The following H2BC5 variants were observed in gnomAD, a reference collection of about 807,000 sequenced individuals.
H2BC5 encodes histone H2B type 1-D.
A neutral mutation model predicts 5.7 loss-of-function variants in H2BC5; 9 were observed. The ratio of observed to expected loss-of-function variants is 1.57; its 90% confidence interval spans 0.95 to 2.74. The LOEUF (loss-of-function observed/expected upper bound fraction) is 2.74, where lower values mean the gene tolerates loss of function less well. H2BC5 is among the 30% of genes most tolerant of loss of function. H2BC5 has a pLI of 0.00. For missense variants in H2BC5, 175 were observed against 168.8 expected (o/e 1.04, Z -0.20); for synonymous variants, 133 against 70.9 (o/e 1.88, Z -4.40).
chr6:26,166,888 A>G (rs563087043), intron 1 of H2BC5, among the ~76,000 whole-genome samples: 2 of 151,388 alleles, frequency 1.3e-5, no homozygotes, highest in South Asian at 4.2e-4. Flanking sequence ...TTTAGTAGAG[A>G]TGGGGTTTCA....
chr6:26,167,746 T>C (rs1003205117), intron 1 of H2BC5, among the ~76,000 whole-genome samples: 2 of 151,992 alleles, frequency 1.3e-5, no homozygotes, highest in African/African-American at 4.8e-5. Context: ...TTCAGGCACG[T>C]TGATAGTAGA....
chr6:26,163,069 A>T, downstream of H2BC5, among the ~76,000 whole-genome samples: 1 of 151,020 alleles, frequency 6.6e-6, no homozygotes, highest in East Asian at 2.0e-4. Context: ...TTTTGTTAAT[A>T]TTTTTCATGA....
rs765931503 is a variant in H2BC5 at position 26,158,169 on chromosome 6, G to A, written c.-1G>A. 3 of 1,612,188 alleles carry A rather than the reference G, an allele frequency of 1.9e-6. No individual in the cohort carries two copies. Among genetic ancestry groups the A allele is most frequent in the Non-Finnish European group, 2.5e-6 (3 of 1,179,412 alleles). On this transcript the variant is annotated 5_prime_UTR_variant, in exon 1 of 1. Transcript: ENST00000377777. ...ACAGTGTTCTAACTATTAACGCTAC[G>A]ATGCCTGAACCTACCAAGTCTGCTC...
intron 1 of H2BC5, among the ~76,000 whole-genome samples, chr6:26,167,897 ATTTT>A (rs1321376795): frequency 6.6e-6 from 1 of 151,286 alleles, no homozygotes. Flanking sequence ...ATTTATTTTT[ATTTT>A]TTTATTATTA....
downstream of H2BC5, chr6:26,158,622 G>C (rs1350994951): frequency 3.8e-6 from 6 of 1,581,220 alleles, no homozygotes; most frequent in Non-Finnish European, 5.2e-6. Flanking sequence ...TTCAATAAAT[G>C]AGTTGTAATC....
At chr6:26,169,065 A>G (rs1764480861) in intron 1 of H2BC5, among the ~76,000 whole-genome samples, 1 of 152,224 alleles carries the variant, frequency 6.6e-6, no homozygotes, top group Non-Finnish European at 1.5e-5. Flanking sequence ...TGAAATTTAA[A>G]TTGGACAAGA....
At chr6:26,162,421 CT>C (rs1764366705), downstream of H2BC5, among the ~76,000 whole-genome samples, 1 of 152,172 alleles carries the variant, frequency 6.6e-6, no homozygotes, top group Non-Finnish European at 1.5e-5. Context: ...CAGGTATTGT[CT>C]TTTTCCTCCT....
intron 1 of H2BC5, among the ~76,000 whole-genome samples, chr6:26,165,493 C>T (rs549092117): frequency 7.9e-5 from 12 of 152,164 alleles, no homozygotes; most frequent in South Asian, 2.1e-4. Context: ...CCCGTCCTGC[C>T]GTGACGTCCT....
At chr6:26,161,171 G>A (rs72834696), downstream of H2BC5, 27,121 of 152,070 alleles carry the variant, frequency 0.18, 2,875 homozygotes, top group Non-Finnish European at 0.23. Context: ...TCACGCAATT[G>A]TCCTCCAGTC....
At chr6:26,168,015 G>T (rs147612899) in intron 1 of H2BC5, among the ~76,000 whole-genome samples, 1 of 151,940 alleles carries the variant, frequency 6.6e-6, no homozygotes, top group Non-Finnish European at 1.5e-5. Context: ...TCAAATACTT[G>T]AATGAGCTTG....
intron 1 of H2BC5, among the ~76,000 whole-genome samples, chr6:26,167,000 C>T (rs1192993201): frequency 2.7e-5 from 4 of 148,958 alleles, no homozygotes; most frequent in Admixed American, 6.7e-5. Flanking sequence ...CGTGCCCGGC[C>T]TCTTTTTTTC....
At chr6:26,158,674 A>G, downstream of H2BC5, 7 of 1,398,798 alleles carry the variant, frequency 5.0e-6, no homozygotes, top group East Asian at 2.3e-5. Flanking sequence ...GCACCACAGT[A>G]CCAATCTTTA....
chr6:26,162,775 G>C (rs976355198), downstream of H2BC5, among the ~76,000 whole-genome samples: 2 of 152,180 alleles, frequency 1.3e-5, no homozygotes, highest in Admixed American at 6.5e-5. Context: ...CTGACCTCAA[G>C]TGATCTGCCC....
chr6:26,159,260 T>TTGTTTTTG (rs1561968575), downstream of H2BC5, among the ~76,000 whole-genome samples: 239 of 142,258 alleles, frequency 1.7e-3, 3 homozygotes, highest in East Asian at 0.011. Flanking sequence ...TTTTTTTTTT[T>TTGTTTTTG]TTTTTTTTTT....
intron 1 of H2BC5, among the ~76,000 whole-genome samples, chr6:26,166,144 C>T (rs1289306291): frequency 6.6e-6 from 1 of 152,210 alleles, no homozygotes. Flanking sequence ...CAACTGGTTC[C>T]TCTGTTGAGC....
intron 1 of H2BC5, among the ~76,000 whole-genome samples, chr6:26,170,762 T>G (rs552199344): frequency 6.6e-6 from 1 of 152,210 alleles, no homozygotes; most frequent in Non-Finnish European, 1.5e-5. Context: ...ATTGGAGAAT[T>G]TGAAACAAAG....
Position 26,158,601 on chromosome 6 carries a change from C to T in H2BC5, c.*51C>T. The T allele has an allele frequency of 2.5e-6, 4 of 1,594,838 alleles. No homozygotes were observed. The highest frequency in any genetic ancestry group is 3.4e-6 in the Non-Finnish European group (4 of 1,171,468). On this transcript the variant is annotated 3_prime_UTR_variant, in exon 1 of 1. Coordinates refer to ENST00000377777, the MANE Select transcript of H2BC5 (RefSeq NM_021063.4). Reference sequence around the variant, plus strand: ...CTAATCCCAAAGGCTCTTTTAAGAGCCACGCATGTTTTCAATAAATGAGTT... The same window carrying T: ...CTAATCCCAAAGGCTCTTTTAAGAGTCACGCATGTTTTCAATAAATGAGTT...
At chr6:26,164,235 C>T in intron 1 of H2BC5, 1 of 359,398 alleles carries the variant, frequency 2.8e-6, no homozygotes, top group African/African-American at 2.2e-5. Context: ...AGCAGACCTG[C>T]CACCATGATC....
downstream of H2BC5, among the ~76,000 whole-genome samples, chr6:26,162,839 C>T (rs1057009929): frequency 5.3e-5 from 8 of 152,012 alleles, no homozygotes; most frequent in East Asian, 1.9e-4. Context: ...GTGCCGAGCC[C>T]GGTAGTTTCC....
Sources: gnomAD v4.1 joint callset for allele counts (sites outside exome capture counted in the v4.1 genomes callset) on GRCh38, gnomAD v4.1.1 for gene constraint, MANE v1.5 for transcripts, NCBI Gene and HGNC (gene_info 2026-07-23, HGNC 2026-07-21) for gene names.